The following GSG1 variants were observed in gnomAD, a reference collection of about 807,000 sequenced individuals.
The protein encoded by GSG1 is germ cell associated 1.
In GSG1, 28 loss-of-function variants were observed where a neutral mutation model predicts 30.8. That is an observed-to-expected ratio of 0.91 (90% confidence interval 0.67 to 1.25). The LOEUF is 1.25. Among genes scored for constraint, GSG1 ranks in the 50% most tolerant of loss-of-function variants. The probability of loss-of-function intolerance (pLI) is 0.00; values close to 1 mark genes in which losing one functional copy is unlikely to be tolerated. For missense variants in GSG1, 435 were observed against 444.7 expected (o/e 0.98, Z 0.20); for synonymous variants, 162 against 178.0 (o/e 0.91, Z 0.71).
At chr12:13,089,467 G>T in intron 2 of GSG1, 191 bp from the exon 3 acceptor site, 1 of 818,344 alleles carries the variant, frequency 1.2e-6, no homozygotes, top group South Asian at 1.8e-5. Context: ...GGGCAGGGAA[G>T]AGGAGGTGTC....
At chr12:13,088,323 G>A (rs893310495) in intron 4 of GSG1, among the ~76,000 whole-genome samples, 3 of 152,108 alleles carry the variant, frequency 2.0e-5, no homozygotes, top group African/African-American at 4.8e-5. Flanking sequence ...AGAAATCATC[G>A]AATTTTCATA....
At position 13,088,919 on chromosome 12, in the gene GSG1, A is replaced by T; in HGVS notation, c.434-10T>A. On this transcript the variant is annotated splice_polypyrimidine_tract_variant and intron_variant, in intron 3 of 6. Transcript: ENST00000651961. ...CTTCGGCACCTCTCCCCTGAAACATACAAGGTACAACGTCATGGAGCTACT... is the reference window on the plus strand; with the variant it reads ...CTTCGGCACCTCTCCCCTGAAACATTCAAGGTACAACGTCATGGAGCTACT... 6.2e-7 allele frequency: 1 copy of T among 1,614,024 alleles called. No individual in the cohort carries two copies. Among genetic ancestry groups the T allele is most frequent in the South Asian group, 1.1e-5 (1 of 91,070 alleles).
Position 13,084,942 on chromosome 12 carries a change from T to C in GSG1, c.1048A>G (p.Lys350Glu). The C allele has an allele frequency of 6.4e-7, 1 of 1,551,760 alleles. No homozygotes were observed. The highest frequency in any genetic ancestry group is 8.7e-7 in the Non-Finnish European group (1 of 1,146,984). ...GFQRGASQEL[K>E]EAVRSSVEEE... ...TCTACAGATGACCTAACTGCTTCTT[T>C]CAGCTCCTGGCTGGCCCCTCTTTGA... The change falls in exon 7 of 7, where the codon AAA becomes GAA. Residue 350 changes from lysine (K) to glutamate (E), a missense_variant. Lys to Glu is a moderately conservative substitution (Grantham distance 56). Coordinates refer to ENST00000651961, the MANE Select transcript of GSG1 (RefSeq NM_001080555.4).
chr12:13,088,776 C>A (rs1865799038), intron 4 of GSG1, 86 bp downstream of exon 4: 3 of 1,613,882 alleles, frequency 1.9e-6, no homozygotes, highest in Admixed American at 1.7e-5. Context: ...GGAGGGAAGC[C>A]TTCTCCATCA....
chr12:13,091,806 C>T (rs1271461164), intron 1 of GSG1, among the ~76,000 whole-genome samples: 1 of 152,222 alleles, frequency 6.6e-6, no homozygotes, highest in East Asian at 1.9e-4. Flanking sequence ...ACAATTTTCC[C>T]TTCATCTTTG....
At chr12:13,085,313 T>C in intron 6 of GSG1, 70 bp from the exon 7 acceptor site, 1 of 1,395,122 alleles carries the variant, frequency 7.2e-7, no homozygotes, top group Non-Finnish European at 9.7e-7. Flanking sequence ...TGCCATGACC[T>C]CTTCCTACTA....
intron 6 of GSG1, among the ~76,000 whole-genome samples, chr12:13,086,055 G>A (rs1425726973): frequency 1.3e-5 from 2 of 152,214 alleles, no homozygotes; most frequent in East Asian, 1.9e-4. Flanking sequence ...AGGAAGTTTT[G>A]TGAGGTTAGG....
In GSG1 at chr12:13,084,815, G is replaced by A. The variant is rs1013683179; in HGVS notation, c.*86C>T. ...CGTAGCCTCTAAAAACCATGCTCAAGAGACGGATGTTGGCTTAAGCACATG... is the reference window on the plus strand; with the variant it reads ...CGTAGCCTCTAAAAACCATGCTCAAAAGACGGATGTTGGCTTAAGCACATG... On this transcript the variant is annotated 3_prime_UTR_variant, in exon 7 of 7. Coordinates refer to ENST00000651961, the MANE Select transcript of GSG1 (RefSeq NM_001080555.4). 3.4e-6 allele frequency: 3 copies of A among 875,294 alleles called. No homozygotes were observed. The highest frequency in any genetic ancestry group is 5.3e-6 in the Non-Finnish European group (3 of 570,282). 54.2% of individuals were successfully genotyped at this position (875,294 alleles called of 1,614,324 possible).
chr12:13,103,123 G>T (rs968065198), intron 1 of GSG1, among the ~76,000 whole-genome samples: 5 of 152,228 alleles, frequency 3.3e-5, no homozygotes, highest in Non-Finnish European at 5.9e-5. Context: ...TTGGCAACGG[G>T]AATAATGCAG....
At chr12:13,087,093 C>G (rs1170330040) in intron 6 of GSG1, 59 bp downstream of exon 6, 12 of 1,146,154 alleles carry the variant, frequency 1.0e-5, no homozygotes, top group Non-Finnish European at 1.6e-5. Context: ...TAGCTGAGGG[C>G]AGAAAATCTC....
chr12:13,102,498 T>C (rs531123501), intron 1 of GSG1, among the ~76,000 whole-genome samples: 90 of 152,364 alleles, frequency 5.9e-4, no homozygotes, highest in African/African-American at 2.0e-3. Flanking sequence ...ATCTATTCAC[T>C]TGGGGCTGCT....
At position 13,088,903 on chromosome 12, in the gene GSG1, C is replaced by T; in HGVS notation, c.440G>A (p.Arg147Lys). The T allele has an allele frequency of 6.2e-7, 1 of 1,614,160 alleles. No individual in the cohort carries two copies. Among genetic ancestry groups the T allele is most frequent in the Non-Finnish European group, 8.5e-7 (1 of 1,180,006 alleles). ...SSGTAAAKGE[R>K]CRSFIELTPP... is the part of the protein sequence containing the mutation. ...TGTAAGTTCAATGAAACTTCGGCAC[C>T]TCTCCCCTGAAACATACAAGGTACA... The change falls in exon 4 of 7, where the codon AGG becomes AAG. Residue 147 changes from arginine to lysine, a missense_variant. Coordinates refer to ENST00000651961, the MANE Select transcript of GSG1 (RefSeq NM_001080555.4).
chr12:13,102,135 C>T (rs1291634609), intron 1 of GSG1, among the ~76,000 whole-genome samples: 5 of 152,108 alleles, frequency 3.3e-5, no homozygotes, highest in Non-Finnish European at 7.4e-5. Flanking sequence ...GTGAGGGTTC[C>T]GATTCGGAGG....
At chr12:13,098,838 G>T (rs1862943776) in intron 1 of GSG1, among the ~76,000 whole-genome samples, 1 of 152,102 alleles carries the variant, frequency 6.6e-6, no homozygotes, top group South Asian at 2.1e-4. Context: ...AATGGGGATG[G>T]GAGTGGCAGA....
chr12:13,088,635 C>A, intron 4 of GSG1: 1 of 1,060,944 alleles, frequency 9.4e-7, no homozygotes, highest in East Asian at 2.4e-5. Context: ...TTTGTGTCAC[C>A]CTTTGGGGCT....
chr12:13,095,466 A>T, intron 1 of GSG1: 1 of 911,628 alleles, frequency 1.1e-6, no homozygotes, highest in Non-Finnish European at 1.8e-6. Flanking sequence ...AGCATATATT[A>T]ACAGAGTAAC....
At chr12:13,102,863 C>A (rs1565555219) in intron 1 of GSG1, among the ~76,000 whole-genome samples, 1 of 152,262 alleles carries the variant, frequency 6.6e-6, no homozygotes, top group Non-Finnish European at 1.5e-5. Context: ...GCCGCAACTT[C>A]TCTGCAGAGT....
In GSG1 at chr12:13,103,361, G is replaced by A. The variant is rs1863354723; in HGVS notation, c.48+104C>T. On this transcript the variant is annotated intron_variant, in intron 1 of 6. Transcript: ENST00000651961. ...TTTCCAAGCTCTTTACTGTGACCATGTGAAATACATGAAATTGATGAGTTA... is the reference window on the plus strand; with the variant it reads ...TTTCCAAGCTCTTTACTGTGACCATATGAAATACATGAAATTGATGAGTTA... 1.5e-5 allele frequency: 13 copies of A among 871,240 alleles called. No individual in the cohort carries two copies. The South Asian group carries it at 1.6e-4, about 11-fold the overall frequency. 54.0% of individuals were successfully genotyped at this position (871,240 alleles called of 1,614,324 possible). A position where few individuals can be genotyped will look rare whatever the true frequency, so the allele number is the denominator to read the frequency against.
At chr12:13,088,256 C>T (rs924850485) in intron 4 of GSG1, among the ~76,000 whole-genome samples, 197 bp from the exon 5 acceptor site, 1 of 151,840 alleles carries the variant, frequency 6.6e-6, no homozygotes, top group Non-Finnish European at 1.5e-5. Flanking sequence ...CACTCCATAA[C>T]CAATATATAC....
Sources: gnomAD v4.1 joint callset for allele counts (sites outside exome capture counted in the v4.1 genomes callset) on GRCh38, gnomAD v4.1.1 for gene constraint, MANE v1.5 for transcripts, NCBI Gene and HGNC (gene_info 2026-07-23, HGNC 2026-07-21) for gene names.